Variants in RS1 observed in about 807,000 individuals in gnomAD.
RS1 encodes the protein retinoschisin.
Under a neutral mutation model 20.8 loss-of-function variants are expected in RS1, and 2 were observed. That is an observed-to-expected ratio of 0.10 (90% CI 0.04 to 0.30). The LOEUF is 0.30. Ranked by LOEUF, RS1 falls within the 10% of genes least tolerant of loss-of-function variation. The pLI, the probability that RS1 is intolerant of heterozygous loss-of-function variation, is 1.00. For synonymous variants in RS1, 70 were observed against 75.8 expected, an observed-to-expected ratio of 0.92 and a Z score of 0.40; for missense variants, 151 against 189.8, an observed-to-expected ratio of 0.80 and a Z score of 1.20.
chrX:18,648,544 C>T (rs1019225471), intron 3 of RS1, among the ~76,000 whole-genome samples: 14 of 111,553 alleles, frequency 1.3e-4, no homozygotes, highest in Non-Finnish European at 2.4e-4. Context: ...CACCCAGCCT[C>T]CCCTTCTTTT....
intron 3 of RS1, among the ~76,000 whole-genome samples, chrX:18,654,488 T>C (rs745431648): frequency 8.9e-6 from 1 of 112,521 alleles, no homozygotes; most frequent in East Asian, 2.8e-4. Flanking sequence ...ATGTCTCTAG[T>C]GAAAAGAACA....
At chrX:18,669,439 C>G (rs762808551) in intron 1 of RS1, among the ~76,000 whole-genome samples, 20 of 96,064 alleles carry the variant, frequency 2.1e-4, no homozygotes, top group Non-Finnish European at 3.6e-4. Context: ...TGTGGTGAGC[C>G]GAGATCACGC....
intron 3 of RS1, among the ~76,000 whole-genome samples, chrX:18,649,546 A>G (rs756628645): frequency 8.9e-6 from 1 of 111,878 alleles, no homozygotes; most frequent in Admixed American, 9.5e-5. Flanking sequence ...TTCTGCCCCA[A>G]TGCACGAAAG....
In RS1 at chrX:18,640,445, C is replaced by G. The variant is rs1159888470; in HGVS notation, c.*1559G>C. On this transcript the variant is annotated 3_prime_UTR_variant, in exon 6 of 6. Coordinates refer to ENST00000379984, the MANE Select transcript of RS1 (RefSeq NM_000330.4). ...GGATAAGTCCCCCCACCCCCCCCCC[C>G]CACCCCCAACACCCTGTGTGATGTG... The G allele has an allele frequency of 1.2e-5, 1 of 82,132 alleles. No individual in the cohort carries two copies. The highest frequency in any genetic ancestry group is 4.4e-5 in the African/African-American group (1 of 22,790). 6.8% of individuals were successfully genotyped at this position (82,132 alleles called of 1,213,427 possible). A position where few individuals can be genotyped will look rare whatever the true frequency, so the allele number is the denominator to read the frequency against.
chrX:18,642,938 T>TGGAGGC (rs759236531), intron 5 of RS1, among the ~76,000 whole-genome samples: 2 of 109,882 alleles, frequency 1.8e-5, no homozygotes, highest in East Asian at 5.8e-4. Flanking sequence ...CCAGCTACTC[T>TGGAGGC]GGAGGCGGAG....
intron 1 of RS1, among the ~76,000 whole-genome samples, chrX:18,661,692 T>C (rs1928310777): frequency 9.0e-6 from 1 of 111,727 alleles, no homozygotes; most frequent in African/African-American, 3.3e-5. Flanking sequence ...GGCCCCACTC[T>C]TCTCCGACAG....
At chrX:18,644,677 A>G (rs777847903) in intron 4 of RS1, 52 bp from the exon 5 acceptor site, 2 of 1,154,402 alleles carry the variant, frequency 1.7e-6, no homozygotes, top group East Asian at 3.0e-5. Flanking sequence ...CATGTCTGCA[A>G]AAAGCCCGCA....
chrX:18,650,685 C>A, intron 3 of RS1: 1 of 994,579 alleles, frequency 1.0e-6, no homozygotes, highest in Non-Finnish European at 1.4e-6. Context: ...CAGGCCACAC[C>A]CCCAGGGATT....
At chrX:18,647,542 C>T (rs1927837188) in intron 3 of RS1, 1 of 432,055 alleles carries the variant, frequency 2.3e-6, no homozygotes, top group Non-Finnish European at 4.0e-6. Flanking sequence ...AAGGAATTGC[C>T]ATAGAGACTC....
chrX:18,645,222 T>G (rs993800334), intron 4 of RS1, among the ~76,000 whole-genome samples: 2 of 111,726 alleles, frequency 1.8e-5, no homozygotes, highest in African/African-American at 6.5e-5. Context: ...TTTTTCCTTT[T>G]AGTGTGTATT....
chrX:18,666,922 G>C (rs1395084886), intron 1 of RS1, among the ~76,000 whole-genome samples: 1 of 110,834 alleles, frequency 9.0e-6, no homozygotes, highest in East Asian at 2.9e-4. Flanking sequence ...AGGATGGGGA[G>C]GAGGATGATC....
intron 3 of RS1, among the ~76,000 whole-genome samples, chrX:18,649,171 G>T (rs748013030): frequency 1.7e-3 from 193 of 111,051 alleles, no homozygotes; most frequent in Non-Finnish European, 2.9e-3. Flanking sequence ...GTATTTAGGG[G>T]GTCTTGTGCT....
At position 18,647,211 on chromosome X, in the gene RS1, C is replaced by A. The variant is rs762601581; in HGVS notation, c.306G>T (p.Arg102=). ...CTTACCCAAAGCCTTGACTGTTGAG[C>A]CGGGCCTTGTTTGCAGTCCACGAAG... ...WYSSWTANKA[R]LNSQGFGCAW... Residue 102 remains arginine (R), a synonymous_variant, in exon 4 of 6, where the codon CGG becomes CGT. Transcript: ENST00000379984. 6.6e-6 allele frequency: 8 copies of A among 1,208,782 alleles called. No homozygotes were observed. In the South Asian group the frequency reaches 1.2e-4, roughly 19 times the overall value.
At chrX:18,668,837 G>T (rs1197366970) in intron 1 of RS1, among the ~76,000 whole-genome samples, 1 of 111,982 alleles carries the variant, frequency 8.9e-6, no homozygotes, top group East Asian at 2.8e-4. Context: ...GGAGGGGGGA[G>T]ACAGGGAGAA....
intron 5 of RS1, among the ~76,000 whole-genome samples, chrX:18,642,829 C>A (rs186153695): frequency 2.4e-3 from 267 of 111,135 alleles, no homozygotes; most frequent in Middle Eastern, 4.6e-3. Context: ...CGTTTGAGGT[C>A]AGGAGTTTGA....
intron 3 of RS1, among the ~76,000 whole-genome samples, chrX:18,655,861 C>T (rs919188198): frequency 1.8e-5 from 2 of 110,867 alleles, no homozygotes; most frequent in African/African-American, 6.6e-5. Flanking sequence ...AAAAAAGTGG[C>T]AGTCCCAGAG....
rs1158857731 is a variant in RS1, at chrX:18,641,014, G to T, written c.*990C>A. The T allele has an allele frequency of 8.9e-6, 1 of 112,723 alleles. No homozygotes were observed. The highest frequency in any genetic ancestry group is 1.9e-5 in the Non-Finnish European group (1 of 53,269). The allele number at this position is 112,723 out of a possible 1,213,427, so 9.3% of individuals were successfully genotyped here. A position where few individuals can be genotyped will look rare whatever the true frequency, so the allele number is the denominator to read the frequency against. On this transcript the variant is annotated 3_prime_UTR_variant, in exon 6 of 6. Transcript: ENST00000379984. ...GGGTGGAGGGTGAGAAGCTTTCAGG[G>T]AAAAAGCTACATGGTCCTTTTTATG...
intron 3 of RS1, among the ~76,000 whole-genome samples, chrX:18,648,905 C>T (rs1253355692): frequency 9.1e-6 from 1 of 109,704 alleles, no homozygotes; most frequent in Non-Finnish European, 1.9e-5. Flanking sequence ...TAGGGAGACC[C>T]CATCTCGTGG....
intron 1 of RS1, among the ~76,000 whole-genome samples, chrX:18,668,049 C>G: frequency 8.9e-6 from 1 of 112,184 alleles, no homozygotes; most frequent in East Asian, 2.8e-4. Context: ...TTGCACCAAC[C>G]TAATAGTATC....
Sources: allele counts gnomAD v4.1 joint callset (sites outside exome capture counted in the v4.1 genomes callset), GRCh38; gene constraint gnomAD v4.1.1; transcripts MANE v1.5; gene names NCBI Gene and HGNC (gene_info 2026-07-23, HGNC 2026-07-21).